NOS1AP: variants seen among roughly 807,000 people sequenced by gnomAD.
The protein encoded by NOS1AP is carboxyl-terminal PDZ ligand of neuronal nitric oxide synthase protein.
In NOS1AP, 21 loss-of-function variants were observed where a neutral mutation model predicts 56.2. That is an observed-to-expected ratio of 0.37 (90% confidence interval 0.26 to 0.54). The LOEUF is 0.54. Among genes scored for constraint, NOS1AP ranks in the 20% least tolerant of loss-of-function variants. The probability of loss-of-function intolerance (pLI) is 0.84; values close to 1 mark genes in which losing one functional copy is unlikely to be tolerated. For synonymous variants in NOS1AP, 270 were observed against 274.6 expected, an observed-to-expected ratio of 0.98 and a Z score of 0.17; for missense variants, 522 against 657.8, an observed-to-expected ratio of 0.79 and a Z score of 2.26.
intron 2 of NOS1AP, among the ~76,000 whole-genome samples, chr1:162,156,630 G>T (rs1649988153): frequency 6.6e-6 from 1 of 152,144 alleles, no homozygotes; most frequent in Non-Finnish European, 1.5e-5. Flanking sequence ...TTGACGAAGA[G>T]ATAGGGAATA....
intron 1 of NOS1AP, among the ~76,000 whole-genome samples, chr1:162,130,666 G>A (rs751788166): frequency 2.0e-4 from 30 of 152,180 alleles, no homozygotes; most frequent in Admixed American, 7.2e-4. Context: ...AGAGAAGAAT[G>A]AGACCGCTGA....
intron 1 of NOS1AP, among the ~76,000 whole-genome samples, chr1:162,093,717 C>T (rs913279119): frequency 1.9e-5 from 2 of 106,220 alleles, no homozygotes; most frequent in Non-Finnish European, 5.0e-5. Context: ...ACCACCCTGG[C>T]TAACTTTTTA....
chr1:162,097,743 A>G (rs1046618041), intron 1 of NOS1AP, among the ~76,000 whole-genome samples: 1 of 152,278 alleles, frequency 6.6e-6, no homozygotes, highest in African/African-American at 2.4e-5. Flanking sequence ...TAGAACCTCT[A>G]TCTTAATTAT....
At chr1:162,349,394 C>T (rs1571236731) in intron 6 of NOS1AP, among the ~76,000 whole-genome samples, 1 of 152,112 alleles carries the variant, frequency 6.6e-6, no homozygotes, top group Admixed American at 6.5e-5. Context: ...ATAAAATTAA[C>T]AACCACAGAA....
At chr1:162,278,263 G>T (rs1654807516) in intron 2 of NOS1AP, among the ~76,000 whole-genome samples, 1 of 152,192 alleles carries the variant, frequency 6.6e-6, no homozygotes, top group African/African-American at 2.4e-5. Context: ...TTAGAGCTGG[G>T]AAGGTGTAAT....
At position 162,326,092 on chromosome 1, in the gene NOS1AP, C is replaced by A. The variant is rs553145160; in HGVS notation, c.345-6925C>A. Among the ~76,000 whole-genome samples, 4 of 152,290 alleles carry A rather than the reference C, an allele frequency of 2.6e-5. No homozygotes were observed. The South Asian group carries it at 8.3e-4, about 32-fold the overall frequency. On this transcript the variant is annotated intron_variant, in intron 4 of 9. Transcript: ENST00000361897. ...CCCTGAAAGATGTTTTTATTATTCT[C>A]ACTTCAACGATTAAAAAAGAAGAAG... is the stretch of plus-strand genomic sequence containing the variant.
At chr1:162,344,987 G>A (rs1285183712) in intron 6 of NOS1AP, among the ~76,000 whole-genome samples, 1 of 151,652 alleles carries the variant, frequency 6.6e-6, no homozygotes, top group African/African-American at 2.4e-5. Context: ...TAAAAAAAAA[G>A]ATACTTATGA....
At chr1:162,109,491 A>T (rs1647634216) in intron 1 of NOS1AP, among the ~76,000 whole-genome samples, 1 of 152,206 alleles carries the variant, frequency 6.6e-6, no homozygotes, top group Admixed American at 6.5e-5. Flanking sequence ...TAAAGGGCTG[A>T]TGAGGAAGCA....
At chr1:162,321,451 G>C (rs1462804906) in intron 4 of NOS1AP, among the ~76,000 whole-genome samples, 6 of 152,022 alleles carry the variant, frequency 3.9e-5, no homozygotes, top group Admixed American at 2.6e-4. Flanking sequence ...CCATCATTCT[G>C]AGCAAACTAT....
intron 2 of NOS1AP, among the ~76,000 whole-genome samples, chr1:162,242,118 T>C (rs1183167008): frequency 6.6e-6 from 1 of 152,196 alleles, no homozygotes; most frequent in Non-Finnish European, 1.5e-5. Context: ...ACATCTACAA[T>C]GTGTCAGACA....
chr1:162,214,984 C>T (rs1298374727), intron 2 of NOS1AP, among the ~76,000 whole-genome samples: 1 of 152,204 alleles, frequency 6.6e-6, no homozygotes, highest in Non-Finnish European at 1.5e-5. Context: ...AGTGGAGCAA[C>T]AAAAACAGAA....
intron 2 of NOS1AP, among the ~76,000 whole-genome samples, chr1:162,160,999 G>GC (rs1429361609): frequency 5.9e-5 from 9 of 152,080 alleles, no homozygotes; most frequent in Non-Finnish European, 1.5e-5. Flanking sequence ...TTGGCTCATG[G>GC]CCCCTTTCCA....
intron 5 of NOS1AP, among the ~76,000 whole-genome samples, chr1:162,334,285 A>G (rs1288516236): frequency 6.6e-6 from 1 of 152,226 alleles, no homozygotes; most frequent in African/African-American, 2.4e-5. Flanking sequence ...AGTTGGATGA[A>G]AAGTGCTACA....
chr1:162,360,246 T>C (rs1657856634), intron 8 of NOS1AP, among the ~76,000 whole-genome samples: 1 of 152,034 alleles, frequency 6.6e-6, no homozygotes, highest in Non-Finnish European at 1.5e-5. Flanking sequence ...TAGACCTCAG[T>C]GGGTAAGTAG....
At chr1:162,238,478 G>A (rs1169165734) in intron 2 of NOS1AP, among the ~76,000 whole-genome samples, 2 of 152,094 alleles carry the variant, frequency 1.3e-5, no homozygotes, top group Non-Finnish European at 2.9e-5. Context: ...GCTGCTACGT[G>A]TTTTTGTTAT....
chr1:162,168,791 G>T (rs979875687), intron 2 of NOS1AP, among the ~76,000 whole-genome samples: 1 of 152,052 alleles, frequency 6.6e-6, no homozygotes, highest in Non-Finnish European at 1.5e-5. Flanking sequence ...TAGAAGAGAG[G>T]CTTCAAGCCT....
At chr1:162,152,340 G>A (rs1473003538) in intron 1 of NOS1AP, among the ~76,000 whole-genome samples, 1 of 152,158 alleles carries the variant, frequency 6.6e-6, no homozygotes, top group Admixed American at 6.5e-5. Flanking sequence ...GCCCCTCAAG[G>A]CCTGTGTGTT....
intron 1 of NOS1AP, among the ~76,000 whole-genome samples, chr1:162,084,691 T>C (rs1449078429): frequency 6.6e-6 from 1 of 152,118 alleles, no homozygotes. Context: ...CTTTTTCTTC[T>C]TTTTTGAGAC....
At chr1:162,215,112 G>T (rs1652520677) in intron 2 of NOS1AP, among the ~76,000 whole-genome samples, 1 of 152,182 alleles carries the variant, frequency 6.6e-6, no homozygotes, top group Non-Finnish European at 1.5e-5. Flanking sequence ...GCTTGGGAGG[G>T]ATCTCACGGG....
Sources: gnomAD v4.1 joint callset for allele counts (sites outside exome capture counted in the v4.1 genomes callset) on GRCh38, gnomAD v4.1.1 for gene constraint, MANE v1.5 for transcripts, NCBI Gene and HGNC (gene_info 2026-07-23, HGNC 2026-07-21) for gene names.